Variants in NKAIN2 observed in about 807,000 individuals in gnomAD.
NKAIN2 encodes the protein sodium/potassium transporting ATPase interacting 2.
NKAIN2 carries 14 observed loss-of-function variants against 32.6 expected under a neutral mutation model. The ratio of observed to expected loss-of-function variants is 0.43; its 90% CI spans 0.28 to 0.67. The LOEUF is 0.67. Among genes scored for constraint, NKAIN2 ranks in the 30% least tolerant of loss-of-function variants. The probability of loss-of-function intolerance (pLI) is 0.17; values close to 1 mark genes in which losing one functional copy is unlikely to be tolerated. For synonymous variants in NKAIN2, 80 were observed against 87.2 expected (o/e 0.92, Z 0.46); for missense variants, 198 against 258.3 (o/e 0.77, Z 1.60).
chr6:124,298,038 A>G (rs961180360), intron 2 of NKAIN2, among the ~76,000 whole-genome samples: 21 of 151,988 alleles, frequency 1.4e-4, no homozygotes, highest in African/African-American at 4.3e-4. Flanking sequence ...GCATAAGTAG[A>G]CTCTCAAATG....
intron 3 of NKAIN2, among the ~76,000 whole-genome samples, chr6:124,622,955 G>C (rs1482322795): frequency 6.6e-6 from 1 of 152,110 alleles, no homozygotes; most frequent in Non-Finnish European, 1.5e-5. Context: ...TTTTTGGTGT[G>C]AAAACAGGAA....
At chr6:124,069,121 C>A (rs1356562482) in intron 1 of NKAIN2, among the ~76,000 whole-genome samples, 1 of 152,102 alleles carries the variant, frequency 6.6e-6, no homozygotes, top group Non-Finnish European at 1.5e-5. Context: ...TTCTGAGTAA[C>A]CATTCTGTGA....
intron 1 of NKAIN2, among the ~76,000 whole-genome samples, chr6:123,873,442 G>A (rs7743536): frequency 6.6e-6 from 1 of 151,970 alleles, no homozygotes; most frequent in East Asian, 1.9e-4. Context: ...GGAAAGAATT[G>A]TGTGTTTCTT....
At chr6:124,182,618 G>A (rs939025905) in intron 1 of NKAIN2, among the ~76,000 whole-genome samples, 1 of 152,042 alleles carries the variant, frequency 6.6e-6, no homozygotes. Context: ...AGTACCAGGT[G>A]GTTTTATTTG....
intron 3 of NKAIN2, among the ~76,000 whole-genome samples, chr6:124,607,850 T>C (rs1382693557): frequency 6.6e-6 from 1 of 152,160 alleles, no homozygotes; most frequent in Non-Finnish European, 1.5e-5. Flanking sequence ...TTCAATATAG[T>C]ATTCCGTAAA....
chr6:124,476,369 T>C (rs1224187093), intron 3 of NKAIN2, among the ~76,000 whole-genome samples: 1 of 145,218 alleles, frequency 6.9e-6, no homozygotes, highest in African/African-American at 2.6e-5. Flanking sequence ...ACCTGTTTCT[T>C]TTACTGAATT....
intron 1 of NKAIN2, among the ~76,000 whole-genome samples, chr6:123,855,762 G>A (rs1775534189): frequency 1.3e-5 from 2 of 152,296 alleles, no homozygotes; most frequent in South Asian, 4.1e-4. Context: ...GCCTCACAAT[G>A]TCTGAGTTCA....
At chr6:124,751,407 C>T (rs1171676661) in intron 4 of NKAIN2, among the ~76,000 whole-genome samples, 1 of 151,894 alleles carries the variant, frequency 6.6e-6, no homozygotes, top group Non-Finnish European at 1.5e-5. Flanking sequence ...GTCAAGAAGC[C>T]TGCCTGTCTT....
intron 1 of NKAIN2, among the ~76,000 whole-genome samples, chr6:123,839,506 CGTTTT>C (rs542186740): frequency 2.2e-4 from 33 of 152,120 alleles, no homozygotes; most frequent in Non-Finnish European, 3.5e-4. Context: ...ATAAGCATTT[CGTTTT>C]GTTTTGTTTC....
chr6:123,808,340 A>G (rs779182175), intron 1 of NKAIN2, among the ~76,000 whole-genome samples: 12 of 152,330 alleles, frequency 7.9e-5, no homozygotes, highest in Non-Finnish European at 1.5e-4. Context: ...CATGAAGAAG[A>G]CTGAAAATCC....
chr6:123,979,369 A>T (rs913729986), intron 1 of NKAIN2, among the ~76,000 whole-genome samples: 4 of 152,136 alleles, frequency 2.6e-5, no homozygotes, highest in Non-Finnish European at 5.9e-5. Flanking sequence ...GGGTATAAGG[A>T]TGTGCACAAA....
intron 1 of NKAIN2, among the ~76,000 whole-genome samples, chr6:124,200,902 A>G (rs1477034577): frequency 6.6e-6 from 1 of 152,088 alleles, no homozygotes; most frequent in Non-Finnish European, 1.5e-5. Flanking sequence ...CTAATTAACC[A>G]GTGTAGAACA....
At chr6:124,239,672 A>T (rs964479663) in intron 1 of NKAIN2, among the ~76,000 whole-genome samples, 4 of 152,222 alleles carry the variant, frequency 2.6e-5, no homozygotes, top group East Asian at 1.9e-4. Context: ...ATTAAGGCAG[A>T]AATAAAGATG....
chr6:124,401,345 G>A (rs188744824), intron 3 of NKAIN2, among the ~76,000 whole-genome samples: 1 of 152,100 alleles, frequency 6.6e-6, no homozygotes, highest in African/African-American at 2.4e-5. Flanking sequence ...CTCTACATCA[G>A]GAGTCTGCAA....
intron 2 of NKAIN2, among the ~76,000 whole-genome samples, chr6:124,343,059 T>C (rs1157217306): frequency 1.4e-5 from 2 of 146,006 alleles, no homozygotes; most frequent in South Asian, 2.3e-4. Flanking sequence ...TCAATTCCCA[T>C]CTATGAGTGA....
chr6:124,052,657 TGTTTGTATGAG>T (rs1228772860), intron 1 of NKAIN2, among the ~76,000 whole-genome samples: 1 of 151,964 alleles, frequency 6.6e-6, no homozygotes, highest in East Asian at 1.9e-4. Context: ...AAGAATAAGG[TGTTTGTATGAG>T]GAACTATGGG....
At chr6:124,395,471 T>C (rs1017896927) in intron 3 of NKAIN2, among the ~76,000 whole-genome samples, 3 of 152,178 alleles carry the variant, frequency 2.0e-5, no homozygotes, top group African/African-American at 7.2e-5. Context: ...ATTAATCTCA[T>C]TCAGTGGTAA....
chr6:124,444,108 G>A (rs1775797229), intron 3 of NKAIN2, among the ~76,000 whole-genome samples: 1 of 151,988 alleles, frequency 6.6e-6, no homozygotes. Context: ...ATCTACCATA[G>A]CACCTGGCAT....
chr6:124,254,792 G>A (rs914390505), intron 1 of NKAIN2, among the ~76,000 whole-genome samples: 1 of 152,090 alleles, frequency 6.6e-6, no homozygotes, highest in Non-Finnish European at 1.5e-5. Flanking sequence ...ATAGTAAAAT[G>A]CTTTAACAAC....
Sources: gnomAD v4.1 joint callset for allele counts (sites outside exome capture counted in the v4.1 genomes callset) on GRCh38, gnomAD v4.1.1 for gene constraint, MANE v1.5 for transcripts, NCBI Gene and HGNC (gene_info 2026-07-23, HGNC 2026-07-21) for gene names.